Variants in COX7B2 observed in about 807,000 individuals in gnomAD.
The protein encoded by COX7B2 is cytochrome c oxidase subunit 7B2, mitochondrial.
For synonymous variants in COX7B2, 37 were observed against 32.1 expected, an observed-to-expected ratio of 1.15 and a Z score of -0.51; for missense variants, 109 against 95.9, an observed-to-expected ratio of 1.14 and a Z score of -0.57.
chr4:46,780,345 G>A lies in COX7B2; in HGVS notation c.-49-45104C>T, dbSNP rs183293046. Among the ~76,000 whole-genome samples, 202 of 152,122 alleles carry A rather than the reference G, an allele frequency of 1.3e-3. 1 individual carries two copies. The highest frequency in any genetic ancestry group is 4.4e-3 in the African/African-American group (183 of 41,510). ...ATCCTGGCTAACATGGTAAAAACCC[G>A]TCTCTACTAAAAATACAAAAAATTA... On this transcript the variant is annotated intron_variant, in intron 2 of 2. Coordinates refer to ENST00000355591, the MANE Select transcript of COX7B2 (RefSeq NM_130902.3).
intron 2 of COX7B2, among the ~76,000 whole-genome samples, chr4:46,760,823 C>G (rs2109471785): frequency 6.6e-6 from 1 of 152,138 alleles, no homozygotes; most frequent in South Asian, 2.1e-4. Context: ...GCTAAAGAAA[C>G]AATTAATGAA....
At chr4:46,768,508 G>GA (rs2109505893) in intron 2 of COX7B2, among the ~76,000 whole-genome samples, 1 of 152,288 alleles carries the variant, frequency 6.6e-6, no homozygotes, top group African/African-American at 2.4e-5. Context: ...GGAAAATGGA[G>GA]ATGTGAAGTT....
chr4:46,786,572 A>C (rs1194902714), intron 2 of COX7B2, among the ~76,000 whole-genome samples: 1 of 152,218 alleles, frequency 6.6e-6, no homozygotes, highest in Non-Finnish European at 1.5e-5. Flanking sequence ...TTAGACTGAC[A>C]AATACATTTT....
At chr4:46,754,718 G>GTATATATATA (rs1235318797) in intron 2 of COX7B2, among the ~76,000 whole-genome samples, 1,211 of 33,622 alleles carry the variant, frequency 0.036, 20 homozygotes, top group South Asian at 0.063. Context: ...GTGTGTGTGT[G>GTATATATATA]TGTGTGTGTG....
chr4:46,815,405 A>G (rs1719498774), intron 2 of COX7B2, among the ~76,000 whole-genome samples: 1 of 152,170 alleles, frequency 6.6e-6, no homozygotes, highest in Non-Finnish European at 1.5e-5. Context: ...TATGGCCTGC[A>G]GTGTAATAAT....
chr4:46,827,161 A>G (rs969278542), intron 2 of COX7B2, among the ~76,000 whole-genome samples: 2 of 152,098 alleles, frequency 1.3e-5, no homozygotes, highest in Non-Finnish European at 2.9e-5. Context: ...ATAGAGACAA[A>G]AAGTGAAAGA....
rs778383936 is a variant in COX7B2, at chr4:46,797,471, C to A, written c.-50+47489G>T. On this transcript the variant is annotated intron_variant, in intron 2 of 2. Transcript: ENST00000355591. ...CAAGTTCTGGAATGTACAATTGGAA[C>A]GGATATGCTCAGCAGCAGGCCGAAT... Among the ~76,000 whole-genome samples the A allele has an allele frequency of 2.6e-4, 39 of 152,268 alleles. No homozygotes were observed. In the Middle Eastern group the frequency reaches 0.014, roughly 53 times the overall value.
Position 46,819,606 on chromosome 4 carries a change from T to C in COX7B2, c.-50+25354A>G, listed in dbSNP as rs545557860. Among the ~76,000 whole-genome samples, 12 of 152,254 alleles carry C rather than the reference T, an allele frequency of 7.9e-5. No homozygotes were observed. The South Asian group carries it at 2.5e-3, about 32-fold the overall frequency. The stretch of plus-strand genomic sequence containing the variant: ...TATGTTTTAAGAAAGTTTATGAATT[T>C]GTGGTGGGCCACATTCAAAGCTGTC... On this transcript the variant is annotated intron_variant, in intron 2 of 2. Transcript: ENST00000355591.
chr4:46,743,207 T>G (rs182839958), intron 2 of COX7B2, among the ~76,000 whole-genome samples: 2 of 152,336 alleles, frequency 1.3e-5, no homozygotes, highest in East Asian at 1.9e-4. Context: ...GTCTATGTTA[T>G]TTTGACATTA....
At chr4:46,803,147 T>C (rs958824413) in intron 2 of COX7B2, among the ~76,000 whole-genome samples, 1 of 152,176 alleles carries the variant, frequency 6.6e-6, no homozygotes, top group South Asian at 2.1e-4. Flanking sequence ...GCCCAGGAGT[T>C]GTATAAAGGT....
intron 2 of COX7B2, among the ~76,000 whole-genome samples, chr4:46,747,186 C>T (rs578251292): frequency 6.6e-6 from 1 of 152,202 alleles, no homozygotes; most frequent in African/African-American, 2.4e-5. Context: ...GTTATTTTTC[C>T]TAATCCTCTC....
intron 2 of COX7B2, among the ~76,000 whole-genome samples, chr4:46,803,732 C>CTTTTTTTTTTTTT (rs5858039): frequency 8.1e-6 from 1 of 123,288 alleles, no homozygotes; most frequent in African/African-American, 3.1e-5. Flanking sequence ...GGTTTACTTT[C>CTTTTTTTTTTTTT]TTTTTTTTTT....
At chr4:46,751,261 A>G (rs563412134) in intron 2 of COX7B2, among the ~76,000 whole-genome samples, 3 of 152,184 alleles carry the variant, frequency 2.0e-5, no homozygotes, top group African/African-American at 7.2e-5. Context: ...ATTACTTCAA[A>G]GTGACAAACT....
chr4:46,766,882 A>G (rs1240117327), intron 2 of COX7B2, among the ~76,000 whole-genome samples: 2 of 152,172 alleles, frequency 1.3e-5, no homozygotes, highest in Non-Finnish European at 2.9e-5. Flanking sequence ...AAGAGAAAAG[A>G]ATCAAAGCCT....
At chr4:46,810,026 A>G (rs1719205358) in intron 2 of COX7B2, among the ~76,000 whole-genome samples, 1 of 152,014 alleles carries the variant, frequency 6.6e-6, no homozygotes. Flanking sequence ...TTTGACTTCA[A>G]GTCTATTCTA....
Position 46,826,299 on chromosome 4 carries a change from C to T in COX7B2, c.-50+18661G>A, listed in dbSNP as rs1056248245. On this transcript the variant is annotated intron_variant, in intron 2 of 2. Transcript: ENST00000355591. The stretch of plus-strand genomic sequence containing the variant: ...AGTGTTATTCATCATTAGAGAAATG[C>T]AAATCAAAAGCACAATGAGATACCA... Among the ~76,000 whole-genome samples the T allele has an allele frequency of 2.6e-5, 4 of 152,018 alleles. 1 individual carries two copies. The South Asian group carries it at 8.3e-4, about 32-fold the overall frequency.
At chr4:46,763,087 T>TAA (rs1334240040) in intron 2 of COX7B2, among the ~76,000 whole-genome samples, 3 of 127,366 alleles carry the variant, frequency 2.4e-5, no homozygotes, top group African/African-American at 8.6e-5. Context: ...ATATTACATA[T>TAA]TATAATATAT....
At chr4:46,797,420 C>T (rs1718421884) in intron 2 of COX7B2, among the ~76,000 whole-genome samples, 2 of 152,220 alleles carry the variant, frequency 1.3e-5, no homozygotes, top group South Asian at 4.1e-4. Flanking sequence ...CTCAGTAAGT[C>T]CTTAATCCAT....
intron 1 of COX7B2, among the ~76,000 whole-genome samples, chr4:46,848,896 G>C (rs921179805): frequency 6.6e-6 from 1 of 151,716 alleles, no homozygotes; most frequent in African/African-American, 2.4e-5. Context: ...ATATAAAATG[G>C]TGTCATATTT....
Sources: gnomAD v4.1 joint callset for allele counts (sites outside exome capture counted in the v4.1 genomes callset) on GRCh38, gnomAD v4.1.1 for gene constraint, MANE v1.5 for transcripts, NCBI Gene and HGNC (gene_info 2026-07-23, HGNC 2026-07-21) for gene names.